GYPB: variants seen among roughly 807,000 people sequenced by gnomAD.
GYPB encodes glycophorin B (MNS blood group).
Under a neutral mutation model 15.3 loss-of-function variants are expected in GYPB, and 13 were observed. That is an observed-to-expected ratio of 0.85 (90% CI 0.55 to 1.35). The LOEUF is 1.35. Among genes scored for constraint, GYPB ranks in the 40% most tolerant of loss-of-function variants. The pLI, the probability that GYPB is intolerant of heterozygous loss-of-function variation, is 0.00. For missense variants in GYPB, 131 were observed against 108.3 expected (o/e 1.21, Z -0.93); for synonymous variants, 38 against 36.9 (o/e 1.03, Z -0.11).
At chr4:144,012,821 G>T (rs1728284100) in intron 1 of GYPB, 1 of 151,302 alleles carries the variant, frequency 6.6e-6, no homozygotes, top group Admixed American at 6.6e-5. Context: ...ATAAACCAAA[G>T]ATCTAAATAT....
intron 1 of GYPB, among the ~76,000 whole-genome samples, chr4:144,009,342 A>G (rs938615520): frequency 1.3e-5 from 2 of 151,198 alleles, no homozygotes; most frequent in Non-Finnish European, 2.9e-5. Flanking sequence ...ATCCCTTAGC[A>G]CAAGTATTAG....
chr4:144,014,739 C>T (rs1393199383), intron 1 of GYPB, among the ~76,000 whole-genome samples: 1 of 151,212 alleles, frequency 6.6e-6, no homozygotes, highest in Non-Finnish European at 1.5e-5. Flanking sequence ...TTAAATGCTA[C>T]CAATTGTACA....
intron 1 of GYPB, among the ~76,000 whole-genome samples, chr4:144,008,755 C>CT (rs1204530932): frequency 6.6e-6 from 1 of 151,468 alleles, no homozygotes; most frequent in Admixed American, 6.6e-5. Flanking sequence ...CTGGTACTTC[C>CT]TTTCACTGGT....
chr4:144,009,707 G>A (rs1219650954), intron 1 of GYPB, among the ~76,000 whole-genome samples: 4 of 126,034 alleles, frequency 3.2e-5, no homozygotes, highest in Non-Finnish European at 4.7e-5. Context: ...TCCGCCTCCC[G>A]GGTTCACTCC....
chr4:144,015,931 A>G lies in GYPB; in HGVS notation c.37+3320T>C, dbSNP rs895862517. Among the ~76,000 whole-genome samples the G allele has an allele frequency of 6.0e-5, 9 of 151,136 alleles. 1 individual carries two copies. The highest frequency in any genetic ancestry group is 1.5e-4 in the African/African-American group (6 of 40,482). On this transcript the variant is annotated intron_variant, in intron 1 of 4. Coordinates refer to ENST00000502664, the MANE Select transcript of GYPB (RefSeq NM_002100.6). ...TTTTTCATGGCTAAACTAGTCTGCC[A>G]CAAAATTCTGGTCATTTGTCATTTG...
At chr4:143,995,426 A>T (rs1331296216), downstream of GYPB, among the ~76,000 whole-genome samples, 1 of 151,040 alleles carries the variant, frequency 6.6e-6, no homozygotes, top group Admixed American at 6.6e-5. Flanking sequence ...ACTCCTTCTG[A>T]CTCCAAGGGT....
chr4:144,003,467 G>T (rs1727729003), intron 1 of GYPB, among the ~76,000 whole-genome samples: 1 of 151,276 alleles, frequency 6.6e-6, no homozygotes, highest in South Asian at 2.1e-4. Context: ...TTTAAAGGGG[G>T]CAGAAAATTA....
rs1480570327 is a variant in GYPB, at chr4:144,019,253, G to A, written c.35C>T (p.Ser12Leu). 2 of 1,611,200 alleles carry A rather than the reference G, an allele frequency of 1.2e-6. No homozygotes were observed. Among genetic ancestry groups the A allele is most frequent in the Non-Finnish European group, 1.7e-6 (2 of 1,179,228 alleles). ...CAAGATGAAATAAAATCACTTACCT[G>A]ACAATAGTAATACAAAGATTATTTT... ...YGKIIFVLLL[S>L]EIVSISALST... The change falls in exon 1 of 5, where the codon TCA (serine) becomes TTA (leucine). Residue 12 changes from serine to leucine, a missense_variant and splice_region_variant. By Grantham distance (145) the Ser-to-Leu change is moderately radical. Coordinates refer to ENST00000502664, the MANE Select transcript of GYPB (RefSeq NM_002100.6).
chr4:143,996,050 G>A, downstream of GYPB: 1 of 1,060,112 alleles, frequency 9.4e-7, no homozygotes, highest in Non-Finnish European at 1.3e-6. Context: ...ACTGTAATGG[G>A]CTTTACATTT....
intron 1 of GYPB, chr4:144,008,390 A>C (rs1191959945): frequency 2.2e-6 from 1 of 455,298 alleles, no homozygotes; most frequent in Non-Finnish European, 4.4e-6. Flanking sequence ...ATAATAATTC[A>C]CCTTGTTTAT....
At chr4:144,006,855 C>T (rs1181143920) in intron 1 of GYPB, among the ~76,000 whole-genome samples, 7 of 151,590 alleles carry the variant, frequency 4.6e-5, no homozygotes, top group South Asian at 2.1e-4. Flanking sequence ...AAAACTGGGA[C>T]AAAAACTCAT....
chr4:144,018,890 T>C lies in GYPB; in HGVS notation c.37+361A>G, dbSNP rs35684911. Among the ~76,000 whole-genome samples, 133 of 151,548 alleles carry C rather than the reference T, an allele frequency of 8.8e-4. 1 individual carries two copies. Among genetic ancestry groups the C allele is most frequent in the African/African-American group, 3.0e-3 (124 of 40,840 alleles). ...AAAGCCATATAGCTACCAACACCTT[T>C]GTTAATAACTCTTTAGTTTGGAAAT... On this transcript the variant is annotated intron_variant, in intron 1 of 4. Transcript: ENST00000502664.
intron 1 of GYPB, among the ~76,000 whole-genome samples, chr4:144,013,693 C>G (rs375901934): frequency 6.7e-6 from 1 of 148,596 alleles, no homozygotes; most frequent in Non-Finnish European, 1.5e-5. Flanking sequence ...ACCGCATATT[C>G]TCACTCATAG....
Position 143,996,202 on chromosome 4 carries a change from A to C in GYPB, c.*97T>G. The stretch of plus-strand genomic sequence containing the variant: ...TTAGGATAGCCAGGGGTAGGGGCAT[A>C]AGCAAAGGAATAGCAGGTGCAGCCA... On this transcript the variant is annotated 3_prime_UTR_variant, in exon 5 of 5. Coordinates refer to ENST00000502664, the MANE Select transcript of GYPB (RefSeq NM_002100.6). 6.5e-7 allele frequency: 1 copy of C among 1,548,214 alleles called. No individual in the cohort carries two copies.
chr4:144,000,522 C>T (rs1455772846), intron 2 of GYPB: 14 of 467,556 alleles, frequency 3.0e-5, no homozygotes, highest in Non-Finnish European at 4.9e-5. Context: ...GAGGTGACTG[C>T]GTGGACATAC....
intron 1 of GYPB, among the ~76,000 whole-genome samples, chr4:144,018,960 G>A (rs915047858): frequency 2.0e-5 from 3 of 151,300 alleles, no homozygotes; most frequent in Non-Finnish European, 2.9e-5. Context: ...TATTCACAGA[G>A]AGCTATTTCT....
intron 3 of GYPB, 53 bp from the exon 4 acceptor site, chr4:143,997,687 T>G: frequency 1.1e-6 from 1 of 904,174 alleles, no homozygotes. Context: ...CACATAGCAA[T>G]AGAAAAATAA....
At chr4:144,018,638 A>G (rs1020238311) in intron 1 of GYPB, among the ~76,000 whole-genome samples, 1 of 151,494 alleles carries the variant, frequency 6.6e-6, no homozygotes, top group African/African-American at 2.5e-5. Flanking sequence ...TATTGAATTA[A>G]TACAATTTAA....
At chr4:144,004,356 A>T (rs1218469511) in intron 1 of GYPB, among the ~76,000 whole-genome samples, 1 of 151,968 alleles carries the variant, frequency 6.6e-6, no homozygotes, top group Non-Finnish European at 1.5e-5. Flanking sequence ...TAAGCCTTTC[A>T]GTAGGAATTA....
Sources: allele counts gnomAD v4.1 joint callset (sites outside exome capture counted in the v4.1 genomes callset), GRCh38; gene constraint gnomAD v4.1.1; transcripts MANE v1.5; gene names NCBI Gene and HGNC (gene_info 2026-07-23, HGNC 2026-07-21).